The following ATP8A1 variants were observed in gnomAD, a reference collection of about 807,000 sequenced individuals.
ATP8A1 encodes the protein phospholipid-transporting ATPase IA.
In ATP8A1, 90 loss-of-function variants were observed where a neutral mutation model predicts 177.7. The ratio of observed to expected loss-of-function variants is 0.51; its 90% CI spans 0.43 to 0.60. The LOEUF (loss-of-function observed/expected upper bound fraction) is 0.60. Ranked by LOEUF, ATP8A1 falls within the 20% of genes least tolerant of loss-of-function variation. ATP8A1 has a pLI of 0.00. For missense variants in ATP8A1, 1,072 were observed against 1,392.8 expected (o/e 0.77, Z 3.67); for synonymous variants, 493 against 485.9 (o/e 1.01, Z -0.19).
intron 33 of ATP8A1, among the ~76,000 whole-genome samples, chr4:42,428,430 C>A (rs757469102): frequency 5.3e-4 from 80 of 152,222 alleles, no homozygotes; most frequent in Non-Finnish European, 1.3e-4. Context: ...AACCTGGGCC[C>A]TATTCCTGAA....
intron 5 of ATP8A1, among the ~76,000 whole-genome samples, chr4:42,601,012 AG>A (rs1308625487): frequency 6.6e-6 from 1 of 150,680 alleles, no homozygotes; most frequent in Non-Finnish European, 1.5e-5. Flanking sequence ...AGCGACAAAA[AG>A]CAAAAACAAC....
intron 27 of ATP8A1, among the ~76,000 whole-genome samples, chr4:42,462,653 C>T (rs1207384945): frequency 6.6e-6 from 1 of 152,176 alleles, no homozygotes; most frequent in East Asian, 1.9e-4. Flanking sequence ...AGGTCAGAGC[C>T]CCCACACAGA....
At chr4:42,464,265 CTTTT>C (rs11365064) in intron 27 of ATP8A1, among the ~76,000 whole-genome samples, 3 of 130,092 alleles carry the variant, frequency 2.3e-5, no homozygotes, top group East Asian at 2.4e-4. Flanking sequence ...GGCTGACAAA[CTTTT>C]TTTTTTTTTT....
At chr4:42,587,751 C>T (rs982157963) in intron 8 of ATP8A1, among the ~76,000 whole-genome samples, 1 of 151,896 alleles carries the variant, frequency 6.6e-6, no homozygotes, top group African/African-American at 2.4e-5. Context: ...GTACTACAGG[C>T]GCCCGCCACC....
chr4:42,448,392 C>CTTACTTTACT (rs1560335169), intron 30 of ATP8A1, among the ~76,000 whole-genome samples: 6 of 19,934 alleles, frequency 3.0e-4, no homozygotes, highest in African/African-American at 4.8e-4. Flanking sequence ...CCCTCCTTCT[C>CTTACTTTACT]TTTCTTTTCT....
intron 33 of ATP8A1, among the ~76,000 whole-genome samples, chr4:42,438,122 G>A (rs1408236370): frequency 2.6e-5 from 4 of 152,176 alleles, no homozygotes; most frequent in African/African-American, 9.7e-5. Flanking sequence ...GAAAAGATGA[G>A]AGAAGAAATG....
chr4:42,651,632 A>G (rs923259624), intron 1 of ATP8A1, among the ~76,000 whole-genome samples: 5 of 152,194 alleles, frequency 3.3e-5, no homozygotes, highest in Admixed American at 6.5e-5. Context: ...AATGCAAAAT[A>G]AGCATTAGTT....
chr4:42,568,482 A>G (rs1316053862), intron 15 of ATP8A1, among the ~76,000 whole-genome samples: 1 of 152,226 alleles, frequency 6.6e-6, no homozygotes, highest in Middle Eastern at 3.2e-3. Context: ...AGAAATATCA[A>G]AATAAATCTG....
At position 42,555,139 on chromosome 4, in the gene ATP8A1, A is replaced by ATCTAATCAATCT. The variant is rs1553903246; in HGVS notation, c.1413+828_1413+829insAGATTGATTAGA. ...TATCTATCTATCTATCTATCTATCTAATCTATCTATCTATCTATCTATCTA... is the reference window on the plus strand; with the variant it reads ...TATCTATCTATCTATCTATCTATCTATCTAATCAATCTATCTATCTATCTATCTATCTATCTA... On this transcript the variant is annotated intron_variant, in intron 16 of 36. Transcript: ENST00000381668. 3.0e-4 allele frequency among the ~76,000 whole-genome samples: 18 copies of ATCTAATCAATCT among 59,558 alleles called. No homozygotes were observed. In the East Asian group the frequency reaches 6.8e-3, roughly 23 times the overall value. 39.1% of individuals were successfully genotyped at this position (59,558 alleles called of 152,430 possible). A position where few individuals can be genotyped will look rare whatever the true frequency, so the allele number is the denominator to read the frequency against.
chr4:42,545,020 C>T (rs1400698444), intron 19 of ATP8A1, among the ~76,000 whole-genome samples: 1 of 151,946 alleles, frequency 6.6e-6, no homozygotes, highest in African/African-American at 2.4e-5. Flanking sequence ...ATTAGCCAGG[C>T]ATGGTATCAC....
chr4:42,520,592 A>G (rs555814351), intron 22 of ATP8A1, among the ~76,000 whole-genome samples: 60 of 152,244 alleles, frequency 3.9e-4, no homozygotes, highest in African/African-American at 1.4e-3. Flanking sequence ...GAAGATAGGC[A>G]AGAGAGACAT....
intron 1 of ATP8A1, among the ~76,000 whole-genome samples, chr4:42,656,028 A>G (rs188840805): frequency 8.9e-4 from 135 of 152,370 alleles, no homozygotes; most frequent in African/African-American, 2.8e-3. Context: ...TAATATTTAC[A>G]GAGTGCCTGC....
intron 33 of ATP8A1, among the ~76,000 whole-genome samples, chr4:42,434,558 T>C (rs1715696756): frequency 6.6e-6 from 1 of 152,256 alleles, no homozygotes; most frequent in African/African-American, 2.4e-5. Context: ...CCCTTCATTC[T>C]ATCAAATCTA....
intron 20 of ATP8A1, among the ~76,000 whole-genome samples, chr4:42,530,607 C>A (rs1007978436): frequency 2.0e-5 from 3 of 152,220 alleles, no homozygotes; most frequent in African/African-American, 7.2e-5. Context: ...AGTGGGCTCA[C>A]TGGTCTTACC....
intron 33 of ATP8A1, among the ~76,000 whole-genome samples, chr4:42,438,437 A>T (rs561491363): frequency 1.4e-4 from 21 of 152,056 alleles, no homozygotes; most frequent in Non-Finnish European, 2.6e-4. Context: ...GTTTTTTTAA[A>T]TTTTTTTTAA....
intron 35 of ATP8A1, among the ~76,000 whole-genome samples, chr4:42,417,781 T>C (rs979735436): frequency 6.6e-6 from 1 of 152,336 alleles, no homozygotes; most frequent in African/African-American, 2.4e-5. Flanking sequence ...TATCCATTCA[T>C]GGAATGTTTA....
chr4:42,573,319 T>C (rs1015402055), intron 14 of ATP8A1, among the ~76,000 whole-genome samples: 5 of 152,222 alleles, frequency 3.3e-5, no homozygotes, highest in Non-Finnish European at 5.9e-5. Flanking sequence ...AACTCTAGAA[T>C]TGCAATAGGC....
chr4:42,555,134 TATCTAATCTATCTATCTATCTATC>T (rs1729999114), intron 16 of ATP8A1, among the ~76,000 whole-genome samples: 4 of 83,968 alleles, frequency 4.8e-5, no homozygotes, highest in East Asian at 3.4e-4. Context: ...TCTATCTATC[TATCTAATCTATCTATCTATCTATC>T]TATCTATCTA....
chr4:42,588,025 T>A (rs896428912), intron 8 of ATP8A1, among the ~76,000 whole-genome samples: 1 of 152,222 alleles, frequency 6.6e-6, no homozygotes, highest in Non-Finnish European at 1.5e-5. Context: ...AGCTATTACA[T>A]AATTAAAAAT....
Sources: gnomAD v4.1 joint callset for allele counts (sites outside exome capture counted in the v4.1 genomes callset) on GRCh38, gnomAD v4.1.1 for gene constraint, MANE v1.5 for transcripts, NCBI Gene and HGNC (gene_info 2026-07-23, HGNC 2026-07-21) for gene names.